The following CACNA1B variants were observed in gnomAD, a reference collection of about 807,000 sequenced individuals.
The protein encoded by CACNA1B is voltage-dependent N-type calcium channel subunit alpha-1B.
CACNA1B carries 70 observed loss-of-function variants against 247.2 expected under a neutral mutation model. That is an observed-to-expected ratio of 0.28 (90% confidence interval 0.23 to 0.35). The LOEUF is 0.35. Among genes scored for constraint, CACNA1B ranks in the 10% least tolerant of loss-of-function variants. CACNA1B has a pLI of 1.00. For synonymous variants in CACNA1B, 1,231 were observed against 1,294.4 expected, an observed-to-expected ratio of 0.95 and a Z score of 1.05; for missense variants, 2,367 against 3,197.4, an observed-to-expected ratio of 0.74 and a Z score of 6.26.
intron 21 of CACNA1B, among the ~76,000 whole-genome samples, chr9:138,044,667 G>A (rs1959169002): frequency 6.6e-6 from 1 of 152,232 alleles, no homozygotes; most frequent in Non-Finnish European, 1.5e-5. Flanking sequence ...AACCACACAA[G>A]AGCTTGCCCG....
In CACNA1B at chr9:138,050,089, A is replaced by G. The variant is rs1564259443; in HGVS notation, c.3710+774A>G. ...GGACTCGGCAGGAGCTTCGTGGGGT[A>G]ATGCCTTCTCTCCCCCACACGCTGC... On this transcript the variant is annotated intron_variant, in intron 24 of 46. Transcript: ENST00000371372. This position sits in a 1 kb window ranked among gnomAD's most constrained non-coding sequence, Gnocchi z 5.2. 7.8e-7 allele frequency: 1 copy of G among 1,289,332 alleles called. No individual in the cohort carries two copies. The highest frequency in any genetic ancestry group is 1.5e-5 in the African/African-American group (1 of 65,936). 79.9% of individuals were successfully genotyped at this position (1,289,332 alleles called of 1,614,324 possible).
At chr9:137,903,210 C>G (rs1039435314) in intron 3 of CACNA1B, among the ~76,000 whole-genome samples, 18 of 151,948 alleles carry the variant, frequency 1.2e-4, no homozygotes, top group African/African-American at 4.4e-4. Context: ...GGTGAAACCC[C>G]GTCTCTACTA....
chr9:137,939,491 C>T (rs143651131), intron 6 of CACNA1B, among the ~76,000 whole-genome samples: 2,480 of 152,084 alleles, frequency 0.016, 55 homozygotes, highest in African/African-American at 0.052. Context: ...GAAATCAAGA[C>T]GGAAATTTAA....
chr9:138,075,430 T>C (rs1324702779), intron 34 of CACNA1B, among the ~76,000 whole-genome samples: 1 of 152,204 alleles, frequency 6.6e-6, no homozygotes, highest in East Asian at 1.9e-4. Context: ...ATTGCATATG[T>C]TTTAAGAAGA....
chr9:137,958,222 AAC>A (rs906414371), intron 10 of CACNA1B, among the ~76,000 whole-genome samples: 2 of 152,084 alleles, frequency 1.3e-5, no homozygotes, highest in South Asian at 2.1e-4. Flanking sequence ...TAAAACAGGA[AAC>A]ACACACACAC....
Position 138,050,605 on chromosome 9 carries a change from C to A in CACNA1B, c.3710+1290C>A, listed in dbSNP as rs1164447196. On this transcript the variant is annotated intron_variant, in intron 24 of 46. Coordinates refer to ENST00000371372, the MANE Select transcript of CACNA1B (RefSeq NM_000718.4). The surrounding 1 kb of genome is among the most constrained non-coding windows in gnomAD (Gnocchi z 5.2). ...GAGTGGGAACACTGCAGCCAGGGGT[C>A]CCCCAGTCAGGAGGAGGGGAAGGGG... 6.6e-6 allele frequency among the ~76,000 whole-genome samples: 1 copy of A among 152,184 alleles called. No individual in the cohort carries two copies. The highest frequency in any genetic ancestry group is 1.5e-5 in the Non-Finnish European group (1 of 68,026).
intron 6 of CACNA1B, among the ~76,000 whole-genome samples, chr9:137,932,703 C>T (rs1957621585): frequency 6.6e-6 from 1 of 152,182 alleles, no homozygotes; most frequent in Non-Finnish European, 1.5e-5. Context: ...TTAGTACATT[C>T]TTCACAAGGG....
chr9:138,062,389 G>T (rs1959757234), intron 31 of CACNA1B, among the ~76,000 whole-genome samples: 1 of 152,202 alleles, frequency 6.6e-6, no homozygotes, highest in Non-Finnish European at 1.5e-5. Context: ...GGAGTGAGGT[G>T]AGGACGTCAT....
intron 10 of CACNA1B, among the ~76,000 whole-genome samples, chr9:137,963,202 C>A (rs1958039266): frequency 1.3e-5 from 2 of 152,104 alleles, no homozygotes; most frequent in African/African-American, 4.8e-5. Context: ...AGGATTGCAA[C>A]CCCTACTCTT....
At chr9:138,099,322 CAT>C (rs148057638) in intron 37 of CACNA1B, among the ~76,000 whole-genome samples, 7,997 of 152,324 alleles carry the variant, frequency 0.052, 661 homozygotes, top group African/African-American at 0.17. Flanking sequence ...TGTGTGTGCA[CAT>C]ATGATTGTAT....
chr9:138,012,779 G>C lies in CACNA1B; in HGVS notation c.2161-350G>C, dbSNP rs1027185786. On this transcript the variant is annotated intron_variant, in intron 17 of 46. Transcript: ENST00000371372. This position sits in a 1 kb window ranked among gnomAD's most constrained non-coding sequence, Gnocchi z 4.2. Reference sequence around the variant, plus strand: ...AATGGAAATATCCAGGCAGTGGCTGGGTACCTGGGTTAGAGCTCAGAGTAA... The same window carrying C: ...AATGGAAATATCCAGGCAGTGGCTGCGTACCTGGGTTAGAGCTCAGAGTAA... 3.9e-5 allele frequency among the ~76,000 whole-genome samples: 6 copies of C among 152,020 alleles called. No homozygotes were observed. Among genetic ancestry groups the C allele is most frequent in the Non-Finnish European group, 8.8e-5 (6 of 67,998 alleles).
chr9:138,074,091 G>A, intron 34 of CACNA1B, 25 bp downstream of exon 34: 1 of 1,587,682 alleles, frequency 6.3e-7, no homozygotes, highest in Non-Finnish European at 8.6e-7. Flanking sequence ...TTGGGACAGA[G>A]CGTGGTTCCG....
chr9:138,068,957 T>C (rs1201863803), intron 31 of CACNA1B, among the ~76,000 whole-genome samples: 2 of 152,170 alleles, frequency 1.3e-5, no homozygotes, highest in African/African-American at 4.8e-5. Context: ...GGCCGGGCTG[T>C]TTGTGGTCGT....
chr9:137,932,930 T>A (rs1023160379), intron 6 of CACNA1B, among the ~76,000 whole-genome samples: 1 of 120,448 alleles, frequency 8.3e-6, no homozygotes, highest in Non-Finnish European at 1.5e-5. Flanking sequence ...TTTATTTATT[T>A]ATTTATTTAT....
intron 37 of CACNA1B, among the ~76,000 whole-genome samples, chr9:138,099,831 C>T (rs1387164406): frequency 6.6e-6 from 1 of 152,236 alleles, no homozygotes; most frequent in East Asian, 1.9e-4. Context: ...TTGCTTCAAC[C>T]CTGTGGTGTG....
chr9:137,965,702 G>A (rs983190455), intron 10 of CACNA1B, among the ~76,000 whole-genome samples: 2 of 151,972 alleles, frequency 1.3e-5, no homozygotes, highest in Middle Eastern at 3.4e-3. Context: ...GGGTTCAAAC[G>A]ATTCTCCTCC....
In CACNA1B at chr9:138,010,985, G is replaced by A. The variant is rs1014788258; in HGVS notation, c.2160+908G>A. 2.3e-4 allele frequency among the ~76,000 whole-genome samples: 35 copies of A among 152,202 alleles called. 1 individual carries two copies. Among genetic ancestry groups the A allele is most frequent in the Admixed American group, 1.3e-4 (2 of 15,284 alleles). On this transcript the variant is annotated intron_variant, in intron 17 of 46. Transcript: ENST00000371372. This position sits in a 1 kb window ranked among gnomAD's most constrained non-coding sequence, Gnocchi z 5.3. ...TCCCCCCAGCCGAGCTCTCCAGGAG[G>A]GGGGTGTGGTCCATGCGGTGTGCCA...
In CACNA1B at chr9:138,112,914, C is replaced by A. The variant is rs555865870; in HGVS notation, c.5536+409C>A. 5.9e-5 allele frequency among the ~76,000 whole-genome samples: 8 copies of A among 135,116 alleles called. No individual in the cohort carries two copies. In the East Asian group the frequency reaches 6.7e-4, roughly 11 times the overall value. The allele number at this position is 135,116 out of a possible 152,430, so 88.6% of individuals were successfully genotyped here. On this transcript the variant is annotated intron_variant, in intron 40 of 46. Transcript: ENST00000371372. ...GTGCCCAACTTCATCTTGCGGGAGA[C>A]GTGAGGGAGCACAGGGAAGTGCCCA...
At chr9:138,109,554 C>T (rs745412846) in intron 39 of CACNA1B, among the ~76,000 whole-genome samples, 13 of 152,146 alleles carry the variant, frequency 8.5e-5, no homozygotes, top group Non-Finnish European at 1.9e-4. Context: ...TCCTATGAGA[C>T]CACTGATTCT....
Sources: allele counts gnomAD v4.1 joint callset (sites outside exome capture counted in the v4.1 genomes callset), GRCh38; gene constraint gnomAD v4.1.1; non-coding constraint Gnocchi (gnomAD v3.1); transcripts MANE v1.5; gene names NCBI Gene and HGNC (gene_info 2026-07-23, HGNC 2026-07-21).